Variants in SYN3 observed in about 807,000 individuals in gnomAD.
SYN3 encodes the protein synapsin III.
SYN3 carries 35 observed loss-of-function variants against 65.8 expected under a neutral mutation model. The ratio of observed to expected loss-of-function variants is 0.53; its 90% confidence interval spans 0.41 to 0.70. The LOEUF is 0.70. Ranked by LOEUF, SYN3 falls within the 30% of genes least tolerant of loss-of-function variation. The pLI is 0.00. For synonymous variants in SYN3, 270 were observed against 292.9 expected, an observed-to-expected ratio of 0.92 and a Z score of 0.80; for missense variants, 680 against 749.0, an observed-to-expected ratio of 0.91 and a Z score of 1.08.
chr22:32,635,739 C>CA (rs1331103492), intron 6 of SYN3, among the ~76,000 whole-genome samples: 1 of 152,166 alleles, frequency 6.6e-6, no homozygotes, highest in Admixed American at 6.5e-5. Flanking sequence ...CTCTGTTCTC[C>CA]AAATCAGATG....
intron 7 of SYN3, among the ~76,000 whole-genome samples, chr22:32,551,506 C>T (rs142826288): frequency 7.0e-6 from 1 of 143,092 alleles, no homozygotes; most frequent in South Asian, 2.4e-4. Flanking sequence ...GGCCTCCCCC[C>T]ACCAACAAAT....
intron 6 of SYN3, among the ~76,000 whole-genome samples, chr22:32,863,784 G>A (rs1228147064): frequency 6.6e-6 from 1 of 152,198 alleles, no homozygotes; most frequent in Non-Finnish European, 1.5e-5. Context: ...GGCTCACAGA[G>A]ATAAAGTCAT....
intron 1 of SYN3, among the ~76,000 whole-genome samples, chr22:33,046,596 A>C (rs2054068921): frequency 6.6e-6 from 1 of 151,994 alleles, no homozygotes; most frequent in African/African-American, 2.4e-5. Context: ...GAATCCCAGC[A>C]CTTTGGGAGG....
chr22:32,786,887 G>A (rs1355745778), intron 6 of SYN3, among the ~76,000 whole-genome samples: 1 of 152,040 alleles, frequency 6.6e-6, no homozygotes, highest in Admixed American at 6.5e-5. Context: ...ACAATAAAGA[G>A]GGGGAATGGG....
At chr22:32,645,905 T>A (rs2059977060) in intron 6 of SYN3, among the ~76,000 whole-genome samples, 1 of 147,350 alleles carries the variant, frequency 6.8e-6, no homozygotes, top group South Asian at 2.2e-4. Flanking sequence ...ATTTTGGGGG[T>A]TGGGGTGGGG....
intron 7 of SYN3, among the ~76,000 whole-genome samples, chr22:32,561,111 A>G (rs2058580587): frequency 6.6e-6 from 1 of 152,194 alleles, no homozygotes; most frequent in South Asian, 2.1e-4. Context: ...AGCCCCAGTC[A>G]GACGACAGAG....
intron 6 of SYN3, among the ~76,000 whole-genome samples, chr22:32,776,765 T>C (rs1432514616): frequency 6.6e-6 from 1 of 152,142 alleles, no homozygotes; most frequent in African/African-American, 2.4e-5. Context: ...TTTTGTAAAC[T>C]GTAAAGTGCA....
At chr22:32,848,095 G>GA (rs1849341435) in intron 6 of SYN3, among the ~76,000 whole-genome samples, 1 of 152,196 alleles carries the variant, frequency 6.6e-6, no homozygotes, top group Admixed American at 6.5e-5. Context: ...ACAAATACCT[G>GA]AAGACAGCTC....
chr22:32,627,299 A>G (rs959632714), intron 6 of SYN3, among the ~76,000 whole-genome samples: 2 of 152,186 alleles, frequency 1.3e-5, no homozygotes, highest in Admixed American at 1.3e-4. Context: ...GCCAGAGTCC[A>G]TGGGGAGGAA....
chr22:32,531,905 CTTTTTT>C (rs5845007), intron 10 of SYN3, among the ~76,000 whole-genome samples: 3 of 115,476 alleles, frequency 2.6e-5, no homozygotes, highest in African/African-American at 3.5e-5. Flanking sequence ...ACTACTTTTA[CTTTTTT>C]TTTTTTTTTT....
At chr22:32,708,606 G>A (rs1205204964) in intron 6 of SYN3, among the ~76,000 whole-genome samples, 9 of 152,286 alleles carry the variant, frequency 5.9e-5, no homozygotes, top group South Asian at 2.1e-4. Flanking sequence ...GACCCTACCC[G>A]GTGGTTTGGG....
At chr22:32,532,484 C>A (rs1161714110) in intron 10 of SYN3, among the ~76,000 whole-genome samples, 1 of 152,288 alleles carries the variant, frequency 6.6e-6, no homozygotes, top group Non-Finnish European at 1.5e-5. Context: ...AAGGCGTTTC[C>A]GGGCCTTGAG....
chr22:32,807,301 TATATAAATATATA>T (rs1290615349), intron 6 of SYN3, among the ~76,000 whole-genome samples: 1 of 128,388 alleles, frequency 7.8e-6, no homozygotes, highest in Non-Finnish European at 1.6e-5. Context: ...AGGATATATA[TATATAAATATATA>T]ATATATAAAT....
intron 1 of SYN3, among the ~76,000 whole-genome samples, chr22:33,022,024 A>G (rs2053569140): frequency 1.3e-5 from 2 of 152,220 alleles, no homozygotes; most frequent in Non-Finnish European, 2.9e-5. Context: ...TGATTATACA[A>G]AAGAAAGCAG....
At chr22:32,827,506 C>T (rs2047447021) in intron 6 of SYN3, among the ~76,000 whole-genome samples, 1 of 152,220 alleles carries the variant, frequency 6.6e-6, no homozygotes. Context: ...CTGGGCTTTT[C>T]TAGGTGTCAG....
At chr22:32,793,605 A>G (rs2046367899) in intron 6 of SYN3, among the ~76,000 whole-genome samples, 2 of 152,206 alleles carry the variant, frequency 1.3e-5, no homozygotes, top group African/African-American at 4.8e-5. Flanking sequence ...AGTAACAGAC[A>G]TTCTGCCAAT....
intron 10 of SYN3, among the ~76,000 whole-genome samples, chr22:32,530,419 C>T (rs904095719): frequency 6.6e-6 from 1 of 152,126 alleles, no homozygotes; most frequent in Non-Finnish European, 1.5e-5. Flanking sequence ...ACAGCACTGG[C>T]AACCCACGGT....
intron 3 of SYN3, among the ~76,000 whole-genome samples, chr22:32,966,788 C>T (rs981803984): frequency 6.6e-6 from 1 of 152,104 alleles, no homozygotes; most frequent in African/African-American, 2.4e-5. Context: ...TTGTGGTGCG[C>T]ACCTGTCATC....
chr22:32,758,887 A>G (rs572477386), intron 6 of SYN3, among the ~76,000 whole-genome samples: 60 of 151,124 alleles, frequency 4.0e-4, no homozygotes, highest in African/African-American at 1.4e-3. Flanking sequence ...GGCTGTGCAG[A>G]GTATCCTGTA....
Sources: allele counts gnomAD v4.1 joint callset (sites outside exome capture counted in the v4.1 genomes callset), GRCh38; gene constraint gnomAD v4.1.1; transcripts MANE v1.5; gene names NCBI Gene and HGNC (gene_info 2026-07-23, HGNC 2026-07-21).